The following CTCFL variants were observed in gnomAD, a reference collection of about 807,000 sequenced individuals.
CTCFL encodes transcriptional repressor CTCFL.
CTCFL carries 36 observed loss-of-function variants against 67.4 expected under a neutral mutation model. The ratio of observed to expected loss-of-function variants is 0.53; its 90% CI spans 0.41 to 0.71. The LOEUF is 0.71. Among genes scored for constraint, CTCFL ranks in the 30% least tolerant of loss-of-function variants. CTCFL has a pLI of 0.00. For synonymous variants in CTCFL, 324 were observed against 302.3 expected, an observed-to-expected ratio of 1.07 and a Z score of -0.75; for missense variants, 786 against 835.2, an observed-to-expected ratio of 0.94 and a Z score of 0.73.
At chr20:57,506,533 AC>A (rs1481180300) in intron 9 of CTCFL, among the ~76,000 whole-genome samples, 1 of 152,128 alleles carries the variant, frequency 6.6e-6, no homozygotes, top group Non-Finnish European at 1.5e-5. Context: ...TGAACTGCTG[AC>A]CTTGTGATCC....
At chr20:57,516,245 A>G (rs1344231109) in intron 5 of CTCFL, among the ~76,000 whole-genome samples, 1 of 151,588 alleles carries the variant, frequency 6.6e-6, no homozygotes, top group African/African-American at 2.4e-5. Flanking sequence ...AAATCTTGAA[A>G]CTCTAGCTCT....
chr20:57,507,548 T>G, intron 9 of CTCFL: 1 of 701,658 alleles, frequency 1.4e-6, no homozygotes. Flanking sequence ...GCTTCCTACT[T>G]GCACTCTCTC....
intron 1 of CTCFL, 159 bp from the exon 2 acceptor site, chr20:57,524,375 C>T (rs2069687407): frequency 5.5e-6 from 8 of 1,449,546 alleles, no homozygotes; most frequent in Non-Finnish European, 7.2e-6. Context: ...GCTGATCTGG[C>T]TTGGGTCTAG....
chr20:57,521,722 GATT>G (rs1177187413), intron 3 of CTCFL, among the ~76,000 whole-genome samples: 1 of 152,188 alleles, frequency 6.6e-6, no homozygotes, highest in Non-Finnish European at 1.5e-5. Context: ...CCCATACAGG[GATT>G]ATTACTTAGC....
At chr20:57,522,987 C>G in intron 3 of CTCFL, 81 bp downstream of exon 3, 1 of 1,144,910 alleles carries the variant, frequency 8.7e-7, no homozygotes, top group Non-Finnish European at 1.3e-6. Flanking sequence ...CCACTTAAAA[C>G]TTCAATTACC....
At chr20:57,516,896 T>C (rs1188139789) in intron 5 of CTCFL, among the ~76,000 whole-genome samples, 2 of 152,234 alleles carry the variant, frequency 1.3e-5, no homozygotes, top group Non-Finnish European at 2.9e-5. Flanking sequence ...CAGGCCCTTA[T>C]CTACTGCTAG....
At chr20:57,506,220 G>A (rs1337749350) in intron 9 of CTCFL, among the ~76,000 whole-genome samples, 5 of 152,196 alleles carry the variant, frequency 3.3e-5, no homozygotes, top group East Asian at 3.8e-4. Flanking sequence ...ACTGATTTGC[G>A]TTGCCCTGGT....
chr20:57,515,595 G>C, intron 6 of CTCFL, 119 bp downstream of exon 6: 1 of 1,227,530 alleles, frequency 8.1e-7, no homozygotes, highest in Non-Finnish European at 1.2e-6. Context: ...TATCATGAAG[G>C]CACGCAAAAA....
rs2068637564 is a variant in CTCFL at position 57,512,654 on chromosome 20, G to C, written c.1429C>G (p.Gln477Glu). The change falls in exon 8 of 11, where the codon CAG becomes GAG. Residue 477 changes from glutamine to glutamate, a missense_variant. Physicochemically the swap from Gln to Glu is conservative, Grantham distance 29 (BLOSUM62 2). This residue lies in a region of CTCFL where 254 missense variants were observed against 333.9 expected (regional missense o/e 0.76). Transcript: ENST00000243914. ...CTCTTCTCATTCTTATGAGTTTTCT[G>C]GTGCTGAATGAGGGCATAGCGTTCA... Reference protein sequence around the residue: ...FHERYALIQHQKTHKNEKRFK... With the variant: ...FHERYALIQHEKTHKNEKRFK... 1 of 1,614,200 alleles carries C rather than the reference G, an allele frequency of 6.2e-7. No individual in the cohort carries two copies. The highest frequency in any genetic ancestry group is 8.5e-7 in the Non-Finnish European group (1 of 1,180,032).
chr20:57,523,448 A>T (rs2069551791), intron 2 of CTCFL, among the ~76,000 whole-genome samples, 170 bp from the exon 3 acceptor site: 1 of 152,154 alleles, frequency 6.6e-6, no homozygotes, highest in Non-Finnish European at 1.5e-5. Context: ...ACTTTTTTTT[A>T]AAACATAATG....
At chr20:57,524,240 T>C in intron 1 of CTCFL, 24 bp from the exon 2 acceptor site, 5 of 1,575,540 alleles carry the variant, frequency 3.2e-6, no homozygotes, top group Non-Finnish European at 4.3e-6. Context: ...AAGCAAGCGG[T>C]TTCCATAGGG....
chr20:57,524,875 A>ACGCCC lies in CTCFL; in HGVS notation c.-12+148_-12+152dup, dbSNP rs1189963224. ...GGGCCCCTGCTTTACCCTGCCCCCCACGCCCCGCCCCGACCCGACCCTCCC... is the reference window on the plus strand; with the variant it reads ...GGGCCCCTGCTTTACCCTGCCCCCCACGCCCCGCCCCGCCCCGACCCGACCCTCCC... On this transcript the variant is annotated intron_variant, in intron 1 of 10. Coordinates refer to ENST00000243914, the MANE Select transcript of CTCFL (RefSeq NM_001386993.1). 3 of 505,314 alleles carry ACGCCC rather than the reference A, an allele frequency of 5.9e-6. No homozygotes were observed. In the African/African-American group the frequency reaches 6.9e-5, roughly 12 times the overall value. 31.3% of individuals were successfully genotyped at this position (505,314 alleles called of 1,614,324 possible). A position where few individuals can be genotyped will look rare whatever the true frequency, so the allele number is the denominator to read the frequency against.
At position 57,499,076 on chromosome 20, in the gene CTCFL, G is replaced by GGGGGGT. The variant is rs2067787526; in HGVS notation, c.1841-376_1841-375insACCCCC. On this transcript the variant is annotated intron_variant, in intron 10 of 10. Coordinates refer to ENST00000243914, the MANE Select transcript of CTCFL (RefSeq NM_001386993.1). ...TGCCAGTGTCCCCTGAAGGTGACGG[G>GGGGGGT]GGGGGGGTGGGGGGGGGACACAGTC... Among the ~76,000 whole-genome samples, 6 of 115,954 alleles carry GGGGGGT rather than the reference G, an allele frequency of 5.2e-5. No individual in the cohort carries two copies. The South Asian group carries it at 1.2e-3, about 23-fold the overall frequency. The allele number at this position is 115,954 out of a possible 152,430, so 76.1% of individuals were successfully genotyped here. A position where few individuals can be genotyped will look rare whatever the true frequency, so the allele number is the denominator to read the frequency against.
chr20:57,500,080 G>C (rs2067838311), intron 10 of CTCFL: 2 of 878,884 alleles, frequency 2.3e-6, no homozygotes, highest in Admixed American at 8.2e-5. Context: ...ATGCTTCCTT[G>C]AAGTATTTTT....
Position 57,498,120 on chromosome 20 carries a change from C to A in CTCFL, c.*430G>T. 5.1e-6 allele frequency: 5 copies of A among 981,972 alleles called. No homozygotes were observed. The highest frequency in any genetic ancestry group is 6.0e-6 in the Non-Finnish European group (5 of 826,732). The allele number at this position is 981,972 out of a possible 1,614,324, so 60.8% of individuals were successfully genotyped here. On this transcript the variant is annotated 3_prime_UTR_variant, in exon 11 of 11. Coordinates refer to ENST00000243914, the MANE Select transcript of CTCFL (RefSeq NM_001386993.1). Reference sequence around the variant, plus strand: ...TGTATATAATGCAACATAAAAATGTCCAGCTTTGACTGTGGAAGCACTAGC... The same window carrying A: ...TGTATATAATGCAACATAAAAATGTACAGCTTTGACTGTGGAAGCACTAGC...
intron 8 of CTCFL, among the ~76,000 whole-genome samples, chr20:57,511,571 TA>T (rs1187774377): frequency 5.9e-5 from 9 of 151,486 alleles, no homozygotes; most frequent in African/African-American, 1.9e-4. Context: ...AAAGTTGCTT[TA>T]AAAAAATCAC....
chr20:57,523,529 A>T (rs2069559252), intron 2 of CTCFL, 134 bp downstream of exon 2: 1 of 1,289,454 alleles, frequency 7.8e-7, no homozygotes. Flanking sequence ...AACTCTCAAG[A>T]TTTTCCTGGG....
chr20:57,522,326 T>C (rs1387668132), intron 3 of CTCFL, among the ~76,000 whole-genome samples: 1 of 152,174 alleles, frequency 6.6e-6, no homozygotes, highest in Non-Finnish European at 1.5e-5. Flanking sequence ...AGCTAGAAAT[T>C]GAAATTTTGG....
downstream of CTCFL, chr20:57,496,130 G>T: frequency 2.5e-6 from 1 of 405,306 alleles, no homozygotes; most frequent in Admixed American, 4.3e-5. Context: ...GATCACGGGG[G>T]CGGTTTCTTA....
Sources: allele counts gnomAD v4.1 joint callset (sites outside exome capture counted in the v4.1 genomes callset), GRCh38; gene constraint gnomAD v4.1.1; regional missense constraint gnomAD v4.1.1; transcripts MANE v1.5; gene names NCBI Gene and HGNC (gene_info 2026-07-23, HGNC 2026-07-21).